The following MCAM variants were observed in gnomAD, a reference collection of about 807,000 sequenced individuals.
The protein encoded by MCAM is cell surface glycoprotein MUC18.
MCAM carries 55 observed loss-of-function variants against 79.1 expected under a neutral mutation model. The observed-to-expected ratio is 0.70, with a 90% CI of 0.56 to 0.87. The LOEUF (loss-of-function observed/expected upper bound fraction) is 0.87. MCAM is among the 40% of genes least tolerant of loss of function. The pLI is 0.00. For synonymous variants in MCAM, 330 were observed against 339.8 expected (o/e 0.97, Z 0.32); for missense variants, 745 against 839.8 (o/e 0.89, Z 1.40).
At chr11:119,313,228 G>C in intron 5 of MCAM, 1 of 1,422,562 alleles carries the variant, frequency 7.0e-7, no homozygotes, top group Non-Finnish European at 9.3e-7. Context: ...ACTAAATGGG[G>C]AATGGTGAAC....
rs370418184 is a variant in MCAM, at chr11:119,312,827, G to A, written c.682C>T (p.Arg228Trp). ...DAQFYCELNY[R>W]LPSGNHMKES... ...TTCATGTGGTTCCCACTGGGCAGCCGGTAGTTGAGCTCACAGTAAAACTGG... is the reference window on the plus strand; with the variant it reads ...TTCATGTGGTTCCCACTGGGCAGCCAGTAGTTGAGCTCACAGTAAAACTGG... Residue 228 changes from arginine to tryptophan, a missense_variant, in exon 6 of 16, where the codon CGG becomes TGG. By Grantham distance (101) the Arg-to-Trp change is moderately radical. Coordinates refer to ENST00000264036, the MANE Select transcript of MCAM (RefSeq NM_006500.3). The surrounding 1 kb of genome is among the most constrained non-coding windows in gnomAD (Gnocchi z 4.9). 8.1e-6 allele frequency: 13 copies of A among 1,614,054 alleles called. No individual in the cohort carries two copies. The highest frequency in any genetic ancestry group is 6.7e-5 in the Admixed American group (4 of 60,006).
rs35929108 is a variant in MCAM, at chr11:119,315,038, G to A, written c.195C>T (p.Val65=). Residue 65 remains valine, a splice_region_variant and synonymous_variant, in exon 3 of 16, where the codon GTC becomes GTT. Coordinates refer to ENST00000264036, the MANE Select transcript of MCAM (RefSeq NM_006500.3). This position sits in a 1 kb window ranked among gnomAD's most constrained non-coding sequence, Gnocchi z 4.4. ...GNLSHVDWFS[V]HKEKRTLIFR... is the part of the protein sequence containing the mutation. ...AGATGAGCGTCCGCTTCTCCTTGTG[G>A]ACCTAATGGGAGGAGACACAGAGGA... 100,654 of 1,608,300 alleles carry A rather than the reference G, an allele frequency of 0.063. 3,863 individuals are homozygous for A. The highest frequency in any genetic ancestry group is 0.077 in the Non-Finnish European group (91,162 of 1,179,754).
In MCAM at chr11:119,311,360, G is replaced by A. The variant is rs1327008692; in HGVS notation, c.1469C>T (p.Pro490Leu). 3.7e-6 allele frequency: 6 copies of A among 1,614,070 alleles called. No individual in the cohort carries two copies. Among genetic ancestry groups the A allele is most frequent in the Admixed American group, 3.3e-5 (2 of 60,002 alleles). ...VLSTLNVLVTPELLETGVECT... is the reference protein window; with the variant it reads ...VLSTLNVLVTLELLETGVECT... ...TTCAACACCTGTCTCCAACAGCTCC[G>A]GGGTCACGAGGACATTCAGGGTGCT... is the stretch of plus-strand genomic sequence containing the variant. Residue 490 changes from proline (P) to leucine (L), a missense_variant, in exon 12 of 16, where the codon CCG becomes CTG. Transcript: ENST00000264036. This position sits in a 1 kb window ranked among gnomAD's most constrained non-coding sequence, Gnocchi z 4.4.
rs1369947547 is a variant in MCAM, at chr11:119,309,887, T to C, written c.1940A>G (p.Ter647TrpextTer49). 4 of 1,600,736 alleles carry C rather than the reference T, an allele frequency of 2.5e-6. No homozygotes were observed. The highest frequency in any genetic ancestry group is 3.4e-5 in the Admixed American group (2 of 58,030). Residue 647 changes from the stop codon to tryptophan, a stop_lost, in exon 16 of 16, where the codon TAG becomes TGG. Transcript: ENST00000264036. The stretch of plus-strand genomic sequence containing the variant: ...GAAGGGAGCTGAAGTGATTCGGGGC[T>C]AATGCCTCAGATCGATGTATTTCTC... ...QGEKYIDLRH* is the reference protein window; with the variant it reads ...QGEKYIDLRHW
At position 119,316,835 on chromosome 11, in the gene MCAM, G is replaced by A; in HGVS notation, c.67+200C>T. On this transcript the variant is annotated intron_variant, in intron 1 of 15. Coordinates refer to ENST00000264036, the MANE Select transcript of MCAM (RefSeq NM_006500.3). The surrounding 1 kb of genome is among the most constrained non-coding windows in gnomAD (Gnocchi z 4.8). ...CCCGCCTTCCGAGTGCTGCTCCCGG[G>A]ATACTCTAGAATCCCGGCTGCAAAC... The A allele has an allele frequency of 1.9e-6, 1 of 532,534 alleles. No individual in the cohort carries two copies. Among genetic ancestry groups the A allele is most frequent in the Admixed American group, 3.6e-5 (1 of 27,918 alleles). The allele number at this position is 532,534 out of a possible 1,614,324, so 33.0% of individuals were successfully genotyped here. A position where few individuals can be genotyped will look rare whatever the true frequency, so the allele number is the denominator to read the frequency against.
chr11:119,311,040 C>A lies in MCAM; in HGVS notation c.1645+50G>T, dbSNP rs768136163. On this transcript the variant is annotated intron_variant, in intron 13 of 15. Transcript: ENST00000264036. This position sits in a 1 kb window ranked among gnomAD's most constrained non-coding sequence, Gnocchi z 4.4. Reference sequence around the variant, plus strand: ...CAGGGCTCTCTGGGGAGGGACAGGGCAGAAAGGATGCCCTGGCACAGCCCT... The same window carrying A: ...CAGGGCTCTCTGGGGAGGGACAGGGAAGAAAGGATGCCCTGGCACAGCCCT... 1.2e-6 allele frequency: 2 copies of A among 1,614,134 alleles called. No individual in the cohort carries two copies. Among genetic ancestry groups the A allele is most frequent in the Non-Finnish European group, 1.7e-6 (2 of 1,180,012 alleles).
rs1950194167 is a variant in MCAM at position 119,309,486 on chromosome 11, C to T, written c.*400G>A. 1 of 258,640 alleles carries T rather than the reference C, an allele frequency of 3.9e-6. No individual in the cohort carries two copies. The highest frequency in any genetic ancestry group is 5.5e-5 in the South Asian group (1 of 18,106). 16.0% of individuals were successfully genotyped at this position (258,640 alleles called of 1,614,324 possible). ...GGTGTGTCCTCACTTCAGTGGTGCA[C>T]CTGGATGGTGGAAGCCAGCCTTTGG... On this transcript the variant is annotated 3_prime_UTR_variant, in exon 16 of 16. Transcript: ENST00000264036.
Position 119,311,710 on chromosome 11 carries a change from A to G in MCAM, c.1286-59T>C. 2 of 1,611,580 alleles carry G rather than the reference A, an allele frequency of 1.2e-6. No individual in the cohort carries two copies. Among genetic ancestry groups the G allele is most frequent in the Non-Finnish European group, 1.7e-6 (2 of 1,178,434 alleles). Reference sequence around the variant, plus strand: ...CCAGCTAGCCTGCCTCCCCCTCCGCACCAGAGCTCCCCAGGGCAGCAGGTG... The same window carrying G: ...CCAGCTAGCCTGCCTCCCCCTCCGCGCCAGAGCTCCCCAGGGCAGCAGGTG... On this transcript the variant is annotated intron_variant, in intron 10 of 15. Transcript: ENST00000264036. This position sits in a 1 kb window ranked among gnomAD's most constrained non-coding sequence, Gnocchi z 4.4.
intron 5 of MCAM, chr11:119,313,357 C>A: frequency 7.9e-7 from 1 of 1,270,430 alleles, no homozygotes. Flanking sequence ...GTATACCATA[C>A]ACCACCACTT....
chr11:119,310,965 C>T, intron 13 of MCAM, 62 bp from the exon 14 acceptor site: 2 of 1,613,638 alleles, frequency 1.2e-6, no homozygotes, highest in Non-Finnish European at 1.7e-6. Flanking sequence ...CCATCGTTGG[C>T]CCAGCCAGTC....
Position 119,309,058 on chromosome 11 carries a change from A to C in MCAM, c.*828T>G, listed in dbSNP as rs1043292494. On this transcript the variant is annotated 3_prime_UTR_variant, in exon 16 of 16. Transcript: ENST00000264036. ...ACGGTCTCGGCTCACTGCAAGCTCC[A>C]CCTCCTGGATTCATACCATTCTCCT... 5 of 151,766 alleles carry C rather than the reference A, an allele frequency of 3.3e-5. No individual in the cohort carries two copies. The highest frequency in any genetic ancestry group is 1.2e-4 in the African/African-American group (5 of 41,246). 9.4% of individuals were successfully genotyped at this position (151,766 alleles called of 1,614,324 possible). A position where few individuals can be genotyped will look rare whatever the true frequency, so the allele number is the denominator to read the frequency against.
chr11:119,313,032 G>A (rs767539651), intron 5 of MCAM, 83 bp from the exon 6 acceptor site: 17 of 1,598,796 alleles, frequency 1.1e-5, no homozygotes, highest in Non-Finnish European at 8.5e-7. Flanking sequence ...GGGTTGGCAG[G>A]GGACCATCTA....
chr11:119,313,922 G>A (rs1159649028), intron 5 of MCAM: 2 of 941,932 alleles, frequency 2.1e-6, no homozygotes, highest in African/African-American at 3.6e-5. Flanking sequence ...AAACACAGAA[G>A]CCTATATCAT....
rs1001376773 is a variant in MCAM, at chr11:119,314,895, A to G, written c.338T>C (p.Ile113Thr). ...AGGGCGCTTGCCCTGGCACAAGAAG[A>G]TGCGCTCGTCTTGGGGGGTGACTTG... ...LTQVTPQDER[I>T]FLCQGKRPRS... Residue 113 changes from isoleucine (I) to threonine (T), a missense_variant, in exon 3 of 16, where the codon ATC becomes ACC. Physicochemically the swap from Ile to Thr is moderately conservative, Grantham distance 89. Transcript: ENST00000264036. The G allele has an allele frequency of 3.1e-6, 5 of 1,613,470 alleles. No individual in the cohort carries two copies. The highest frequency in any genetic ancestry group is 4.2e-6 in the Non-Finnish European group (5 of 1,180,034).
chr11:119,310,009 G>A (rs1274582750), intron 15 of MCAM, 94 bp from the exon 16 acceptor site: 50 of 1,113,910 alleles, frequency 4.5e-5, no homozygotes, highest in East Asian at 2.8e-4. Context: ...AGCAGAAGCC[G>A]ATGAATTTGG....
At chr11:119,313,978 G>C (rs1426733558) in intron 5 of MCAM, 5 of 971,344 alleles carry the variant, frequency 5.1e-6, no homozygotes, top group Non-Finnish European at 4.9e-6. Context: ...AAATAGGCTT[G>C]AAAGAACACA....
At chr11:119,313,120 A>G in intron 5 of MCAM, 171 bp from the exon 6 acceptor site, 1 of 1,534,530 alleles carries the variant, frequency 6.5e-7, no homozygotes, top group Non-Finnish European at 8.7e-7. Flanking sequence ...TTTACTGCTC[A>G]GTGTCAACCC....
intron 15 of MCAM, 99 bp downstream of exon 15, chr11:119,310,250 T>C: frequency 1.2e-6 from 1 of 856,588 alleles, no homozygotes; most frequent in Non-Finnish European, 1.9e-6. Flanking sequence ...GCTCCCTATC[T>C]CTGACAAAGA....
At chr11:119,313,052 C>G in intron 5 of MCAM, 103 bp from the exon 6 acceptor site, 1 of 1,575,466 alleles carries the variant, frequency 6.3e-7, no homozygotes, top group Non-Finnish European at 8.6e-7. Flanking sequence ...AAATAGCCCC[C>G]TGTCCCCTGT....
Sources: gnomAD v4.1 joint callset for allele counts on GRCh38, gnomAD v4.1.1 for gene constraint, Gnocchi (gnomAD v3.1) non-coding constraint, MANE v1.5 for transcripts, NCBI Gene and HGNC (gene_info 2026-07-23, HGNC 2026-07-21) for gene names.